Variants in CRTAC1 observed in about 807,000 individuals in gnomAD.
The protein encoded by CRTAC1 is acidic secreted protein in cartilage.
In CRTAC1, 37 loss-of-function variants were observed where a neutral mutation model predicts 67.8. The ratio of observed to expected loss-of-function variants is 0.55; its 90% CI spans 0.42 to 0.72. The LOEUF (loss-of-function observed/expected upper bound fraction) is 0.72, where lower values mean the gene tolerates loss of function less well. Among genes scored for constraint, CRTAC1 ranks in the 30% least tolerant of loss-of-function variants. CRTAC1 has a pLI of 0.00. For synonymous variants in CRTAC1, 348 were observed against 371.0 expected (o/e 0.94, Z 0.71); for missense variants, 780 against 931.6 (o/e 0.84, Z 2.12).
intron 2 of CRTAC1, among the ~76,000 whole-genome samples, chr10:97,978,136 T>C (rs745711381): frequency 6.6e-6 from 1 of 152,144 alleles, no homozygotes; most frequent in Non-Finnish European, 1.5e-5. Context: ...CATGATGACC[T>C]AAGACTTTGC....
At chr10:97,984,242 T>C (rs1157522699) in intron 2 of CRTAC1, among the ~76,000 whole-genome samples, 1 of 152,230 alleles carries the variant, frequency 6.6e-6, no homozygotes, top group Non-Finnish European at 1.5e-5. Flanking sequence ...GTCTCCAGCA[T>C]GGAGTGTGAC....
In CRTAC1 at chr10:98,029,871, G is replaced by A. The variant is rs902217624; in HGVS notation, c.24+578C>T. Among the ~76,000 whole-genome samples the A allele has an allele frequency of 1.3e-5, 2 of 152,178 alleles. No homozygotes were observed. The highest frequency in any genetic ancestry group is 1.5e-5 in the Non-Finnish European group (1 of 68,016). ...AAGACCACACCTCGTCCAGCATAAG[G>A]CGGCTAGCAGCTACGCCGCGCGCGG... On this transcript the variant is annotated intron_variant, in intron 1 of 14. Coordinates refer to ENST00000370597, the MANE Select transcript of CRTAC1 (RefSeq NM_018058.7). The surrounding 1 kb of genome is among the most constrained non-coding windows in gnomAD (Gnocchi z 4.7).
chr10:97,903,520 C>A (rs968944136), intron 7 of CRTAC1, among the ~76,000 whole-genome samples: 1 of 151,788 alleles, frequency 6.6e-6, no homozygotes, highest in African/African-American at 2.4e-5. Flanking sequence ...TGGGCCTGGG[C>A]GTCCCAAGGT....
At chr10:97,896,065 T>G (rs1303604015) in intron 9 of CRTAC1, 80 bp from the exon 10 acceptor site, 1 of 1,272,060 alleles carries the variant, frequency 7.9e-7, no homozygotes. Flanking sequence ...AAGTGCAGTA[T>G]CCACAGCCCT....
intron 1 of CRTAC1, among the ~76,000 whole-genome samples, chr10:98,015,895 C>A (rs535398656): frequency 3.3e-5 from 5 of 152,296 alleles, no homozygotes; most frequent in African/African-American, 1.2e-4. Context: ...CTCCCAGAGT[C>A]CTGAAACCAG....
intron 1 of CRTAC1, among the ~76,000 whole-genome samples, chr10:98,019,072 G>A (rs182696980): frequency 1.2e-4 from 19 of 152,178 alleles, no homozygotes; most frequent in African/African-American, 3.9e-4. Flanking sequence ...AAGTTAGCTG[G>A]GGGGGGAGCT....
At chr10:97,883,485 C>T (rs2050242247) in intron 12 of CRTAC1, among the ~76,000 whole-genome samples, 1 of 152,192 alleles carries the variant, frequency 6.6e-6, no homozygotes, top group African/African-American at 2.4e-5. Context: ...AAATGTCAAT[C>T]AACCGTACTG....
At chr10:97,936,092 G>A in intron 3 of CRTAC1, 78 bp downstream of exon 3, 1 of 1,404,848 alleles carries the variant, frequency 7.1e-7, no homozygotes, top group Non-Finnish European at 9.8e-7. Flanking sequence ...AAGGGCCAGG[G>A]TTCCCATGGC....
At chr10:97,967,920 C>T (rs1309463392) in intron 2 of CRTAC1, among the ~76,000 whole-genome samples, 1 of 152,190 alleles carries the variant, frequency 6.6e-6, no homozygotes, top group African/African-American at 2.4e-5. Flanking sequence ...GTACACATGG[C>T]TTCCCGGGGG....
rs183430652 is a variant in CRTAC1 at position 97,882,621 on chromosome 10, A to T, written c.1675+165T>A. Among the ~76,000 whole-genome samples the T allele has an allele frequency of 4.1e-3, 629 of 152,234 alleles. 16 individuals carry two copies. The highest frequency in any genetic ancestry group is 0.037 in the Admixed American group (566 of 15,306). On this transcript the variant is annotated intron_variant, in intron 13 of 14. Coordinates refer to ENST00000370597, the MANE Select transcript of CRTAC1 (RefSeq NM_018058.7). ...AATATCACTCCCACCCTGGTGAGTCATGTGGTGGTTGTCTTGGCATCTGGA... is the reference window on the plus strand; with the variant it reads ...AATATCACTCCCACCCTGGTGAGTCTTGTGGTGGTTGTCTTGGCATCTGGA...
intron 2 of CRTAC1, among the ~76,000 whole-genome samples, chr10:97,937,187 G>A (rs1024557711): frequency 3.9e-5 from 6 of 152,108 alleles, no homozygotes; most frequent in Admixed American, 2.0e-4. Flanking sequence ...CTCCCTCCTC[G>A]CTGCACTGAA....
chr10:97,910,718 A>T (rs1258295487), intron 5 of CRTAC1, among the ~76,000 whole-genome samples: 1 of 152,140 alleles, frequency 6.6e-6, no homozygotes, highest in African/African-American at 2.4e-5. Flanking sequence ...CCCCAGGGGA[A>T]ATCATGGGGC....
intron 3 of CRTAC1, among the ~76,000 whole-genome samples, chr10:97,934,807 C>T (rs2051057240): frequency 6.6e-6 from 1 of 152,078 alleles, no homozygotes; most frequent in Non-Finnish European, 1.5e-5. Flanking sequence ...CAACCTAGCC[C>T]CACAGGGACA....
At chr10:97,936,032 C>T in intron 3 of CRTAC1, 138 bp downstream of exon 3, 2 of 752,922 alleles carry the variant, frequency 2.7e-6, no homozygotes, top group Non-Finnish European at 4.3e-6. Flanking sequence ...CAGGGAGGTC[C>T]TGTGGCAGCA....
At chr10:98,013,965 C>T (rs886264808) in intron 1 of CRTAC1, among the ~76,000 whole-genome samples, 7 of 152,204 alleles carry the variant, frequency 4.6e-5, no homozygotes, top group African/African-American at 1.7e-4. Context: ...AAGTCCTTTA[C>T]ATTTCATTCC....
chr10:97,911,666 T>A (rs2050690112), intron 5 of CRTAC1, among the ~76,000 whole-genome samples: 1 of 152,158 alleles, frequency 6.6e-6, no homozygotes, highest in African/African-American at 2.4e-5. Context: ...GACAAGCAAA[T>A]CTTCTTCAAA....
At chr10:97,917,329 G>A (rs1564893202) in intron 5 of CRTAC1, among the ~76,000 whole-genome samples, 171 bp downstream of exon 5, 1 of 152,172 alleles carries the variant, frequency 6.6e-6, no homozygotes, top group Non-Finnish European at 1.5e-5. Flanking sequence ...AGGCAGTGTG[G>A]GAGAAGCCTT....
intron 2 of CRTAC1, among the ~76,000 whole-genome samples, chr10:97,952,330 C>T (rs932554963): frequency 5.1e-4 from 74 of 145,954 alleles, no homozygotes; most frequent in African/African-American, 9.4e-4. Flanking sequence ...CCAGCCTGGG[C>T]GACAGAGTGA....
intron 5 of CRTAC1, among the ~76,000 whole-genome samples, chr10:97,914,649 C>T (rs1201624461): frequency 6.6e-6 from 1 of 152,152 alleles, no homozygotes; most frequent in Non-Finnish European, 1.5e-5. Flanking sequence ...GCCTGGACCG[C>T]GGAGGCAGTG....
Sources: gnomAD v4.1 joint callset for allele counts (sites outside exome capture counted in the v4.1 genomes callset) on GRCh38, gnomAD v4.1.1 for gene constraint, Gnocchi (gnomAD v3.1) non-coding constraint, MANE v1.5 for transcripts, NCBI Gene and HGNC (gene_info 2026-07-23, HGNC 2026-07-21) for gene names.